ADARB2: variants seen among roughly 807,000 people sequenced by gnomAD.
The protein encoded by ADARB2 is inactive double-stranded RNA-specific editase B2.
A neutral mutation model predicts 62.2 loss-of-function variants in ADARB2; 25 were observed. The ratio of observed to expected loss-of-function variants is 0.40; its 90% CI spans 0.29 to 0.56. ADARB2 has a LOEUF of 0.56. ADARB2 is among the 20% of genes least tolerant of loss of function. The probability of loss-of-function intolerance (pLI) is 0.43; values close to 1 mark genes in which losing one functional copy is unlikely to be tolerated. For missense variants in ADARB2, 1,071 were observed against 1,077.4 expected (o/e 0.99, Z 0.08); for synonymous variants, 572 against 500.8 (o/e 1.14, Z -1.90).
At chr10:1,407,814 C>T (rs2131876748) in intron 1 of ADARB2, among the ~76,000 whole-genome samples, 2 of 152,316 alleles carry the variant, frequency 1.3e-5, no homozygotes, top group South Asian at 4.1e-4. Context: ...GGCCTCCATC[C>T]CCAGGCCCTC....
intron 4 of ADARB2, among the ~76,000 whole-genome samples, chr10:1,243,065 A>G (rs531401961): frequency 2.0e-5 from 3 of 152,340 alleles, no homozygotes; most frequent in Admixed American, 2.0e-4. Context: ...TTCCTTGAGG[A>G]CACGAGTCAG....
At chr10:1,186,237 A>C (rs910758997) in intron 8 of ADARB2, among the ~76,000 whole-genome samples, 16 of 152,214 alleles carry the variant, frequency 1.1e-4, no homozygotes, top group African/African-American at 3.9e-4. Flanking sequence ...ACTTCTTCCC[A>C]TGCCCAGGGC....
chr10:1,359,719 C>G (rs1468576856), intron 3 of ADARB2, among the ~76,000 whole-genome samples: 1 of 152,212 alleles, frequency 6.6e-6, no homozygotes, highest in East Asian at 1.9e-4. Flanking sequence ...ACTCTTCCCG[C>G]CGCGGCCCTG....
chr10:1,504,601 A>G (rs531848591), intron 1 of ADARB2, among the ~76,000 whole-genome samples: 3 of 152,284 alleles, frequency 2.0e-5, no homozygotes, highest in African/African-American at 7.2e-5. Context: ...GTGGTGAAAT[A>G]TTGTGGACTG....
In ADARB2 at chr10:1,279,136, G is replaced by A. The variant is rs76177156; in HGVS notation, c.1078-8067C>T. Among the ~76,000 whole-genome samples the A allele has an allele frequency of 5.3e-3, 802 of 152,246 alleles. 14 individuals carry two copies. Among genetic ancestry groups the A allele is most frequent in the African/African-American group, 0.018 (744 of 41,550 alleles). ...GGCAGCTTAAGCAACGGAAATTAAC[G>A]TTCTTAATGGTTCTGAAAGCTGAAG... On this transcript the variant is annotated intron_variant, in intron 3 of 9. Transcript: ENST00000381312.
At chr10:1,626,774 T>C (rs1304549120) in intron 1 of ADARB2, among the ~76,000 whole-genome samples, 1 of 152,182 alleles carries the variant, frequency 6.6e-6, no homozygotes, top group Admixed American at 6.5e-5. Flanking sequence ...ACCCGCACGG[T>C]CTGAAGTGGC....
At chr10:1,256,505 T>G (rs1831080582) in intron 4 of ADARB2, among the ~76,000 whole-genome samples, 1 of 152,186 alleles carries the variant, frequency 6.6e-6, no homozygotes, top group African/African-American at 2.4e-5. Flanking sequence ...GGTGCGTGTT[T>G]GCAACACTGC....
rs982948690 is a variant in ADARB2, at chr10:1,402,173, C to T, written c.101-23013G>A. 3.9e-5 allele frequency among the ~76,000 whole-genome samples: 6 copies of T among 152,162 alleles called. No homozygotes were observed. In the East Asian group the frequency reaches 1.2e-3, roughly 29 times the overall value. ...CCTAAGTGAAGCAGCAGACAGACCT[C>T]ATTTAGCCTGTGCTGAGCCCCAGGA... On this transcript the variant is annotated intron_variant, in intron 1 of 9. Coordinates refer to ENST00000381312, the MANE Select transcript of ADARB2 (RefSeq NM_018702.4).
intron 1 of ADARB2, among the ~76,000 whole-genome samples, chr10:1,428,006 C>A (rs1736011642): frequency 6.6e-6 from 1 of 151,858 alleles, no homozygotes; most frequent in African/African-American, 2.4e-5. Flanking sequence ...ATTCTGTCAC[C>A]CAGGCTGGAG....
chr10:1,371,262 C>T (rs1256635143), intron 2 of ADARB2, among the ~76,000 whole-genome samples: 1 of 152,156 alleles, frequency 6.6e-6, no homozygotes, highest in African/African-American at 2.4e-5. Flanking sequence ...GAAACTGGAC[C>T]CCTATCTCTC....
intron 1 of ADARB2, among the ~76,000 whole-genome samples, chr10:1,562,915 C>T (rs1832803978): frequency 1.3e-5 from 2 of 152,248 alleles, no homozygotes; most frequent in African/African-American, 4.8e-5. Context: ...TATTCTTCCT[C>T]TTCTTCAATT....
intron 3 of ADARB2, among the ~76,000 whole-genome samples, chr10:1,343,182 C>A (rs992513317): frequency 6.6e-6 from 1 of 152,082 alleles, no homozygotes; most frequent in Non-Finnish European, 1.5e-5. Context: ...TTTCAAACAA[C>A]CCCATAAAAA....
intron 1 of ADARB2, among the ~76,000 whole-genome samples, chr10:1,407,862 G>A (rs1441723067): frequency 6.6e-6 from 1 of 152,230 alleles, no homozygotes; most frequent in Non-Finnish European, 1.5e-5. Context: ...GGGGAACTGG[G>A]CAGACAGACC....
intron 1 of ADARB2, among the ~76,000 whole-genome samples, chr10:1,568,800 C>A (rs981696753): frequency 6.7e-6 from 1 of 148,454 alleles, no homozygotes; most frequent in African/African-American, 2.5e-5. Context: ...ATGTCTCTAT[C>A]TCTATCTATC....
At chr10:1,186,416 G>A (rs944903951) in intron 8 of ADARB2, 2 of 498,966 alleles carry the variant, frequency 4.0e-6, no homozygotes, top group Non-Finnish European at 8.0e-6. Context: ...CAGTGGTGTT[G>A]AGACGCTTGG....
At chr10:1,258,972 A>C (rs1831107099) in intron 4 of ADARB2, among the ~76,000 whole-genome samples, 1 of 152,222 alleles carries the variant, frequency 6.6e-6, no homozygotes, top group South Asian at 2.1e-4. Context: ...GTGCAATCAA[A>C]CTGGAACTCA....
In ADARB2 at chr10:1,459,714, T is replaced by C. The variant is rs186371835; in HGVS notation, c.101-80554A>G. Among the ~76,000 whole-genome samples the C allele has an allele frequency of 5.4e-4, 82 of 152,224 alleles. 1 individual carries two copies. Among genetic ancestry groups the C allele is most frequent in the African/African-American group, 2.0e-3 (81 of 41,518 alleles). The stretch of plus-strand genomic sequence containing the variant: ...GAGGCTGAGTTTGCACTGAGCCGGA[T>C]TGGGCCATTACACTCCAGCCTGGGT... On this transcript the variant is annotated intron_variant, in intron 1 of 9. Coordinates refer to ENST00000381312, the MANE Select transcript of ADARB2 (RefSeq NM_018702.4).
At chr10:1,444,013 C>T (rs1830932298) in intron 1 of ADARB2, among the ~76,000 whole-genome samples, 2 of 123,792 alleles carry the variant, frequency 1.6e-5, no homozygotes, top group Non-Finnish European at 3.9e-5. Flanking sequence ...GTCCATCCAC[C>T]CATCCATCCA....
chr10:1,664,548 C>T (rs1588344086), intron 1 of ADARB2, among the ~76,000 whole-genome samples: 1 of 152,170 alleles, frequency 6.6e-6, no homozygotes, highest in African/African-American at 2.4e-5. Flanking sequence ...TCACGAATGG[C>T]CTTTAGCAGT....
Sources: gnomAD v4.1 joint callset for allele counts (sites outside exome capture counted in the v4.1 genomes callset) on GRCh38, gnomAD v4.1.1 for gene constraint, MANE v1.5 for transcripts, NCBI Gene and HGNC (gene_info 2026-07-23, HGNC 2026-07-21) for gene names.